The following PCDHGB2 variants were observed in gnomAD, a reference collection of about 807,000 sequenced individuals.
PCDHGB2 encodes the protein protocadherin gamma subfamily B, 2.
A neutral mutation model predicts 59.3 loss-of-function variants in PCDHGB2; 55 were observed. The observed-to-expected ratio is 0.93, with a 90% CI of 0.75 to 1.16. PCDHGB2 has a LOEUF of 1.16. Ranked by LOEUF, PCDHGB2 falls within the 50% of genes most tolerant of loss-of-function variation. The pLI, the probability that PCDHGB2 is intolerant of heterozygous loss-of-function variation, is 0.00. For missense variants in PCDHGB2, 1,228 were observed against 1,198.5 expected (o/e 1.02, Z -0.36); for synonymous variants, 516 against 512.0 (o/e 1.01, Z -0.11).
Position 141,395,397 on chromosome 5 carries a change from A to G in PCDHGB2, c.2421+32841A>G. ...GGTGTTACTATAAAATTGAACTCTAATAGTCATAGGTTATTGTTTCATTTG... is the reference window on the plus strand; with the variant it reads ...GGTGTTACTATAAAATTGAACTCTAGTAGTCATAGGTTATTGTTTCATTTG... On this transcript the variant is annotated intron_variant, in intron 1 of 3. Coordinates refer to ENST00000522605, the MANE Select transcript of PCDHGB2 (RefSeq NM_018923.3). The G allele has an allele frequency of 7.8e-6, 7 of 895,314 alleles. No individual in the cohort carries two copies. The South Asian group carries it at 9.5e-5, about 12-fold the overall frequency. 55.5% of individuals were successfully genotyped at this position (895,314 alleles called of 1,614,324 possible). A position where few individuals can be genotyped will look rare whatever the true frequency, so the allele number is the denominator to read the frequency against.
intron 1 of PCDHGB2, chr5:141,398,058 T>C (rs921277104): frequency 2.0e-6 from 3 of 1,525,504 alleles, no homozygotes; most frequent in African/African-American, 1.4e-5. Flanking sequence ...GATCCAAAAA[T>C]CTACAATACA....
chr5:141,366,422 G>A (rs1334545413), intron 1 of PCDHGB2: 6 of 1,614,152 alleles, frequency 3.7e-6, no homozygotes, highest in South Asian at 1.1e-5. Context: ...GGTGGCAGTG[G>A]CTGCAGTCTC....
intron 1 of PCDHGB2, chr5:141,412,213 C>T (rs1467971455): frequency 6.6e-6 from 1 of 152,224 alleles, no homozygotes; most frequent in Non-Finnish European, 1.5e-5. Context: ...TTGACATAAA[C>T]ACTTACTTGT....
intron 1 of PCDHGB2, among the ~76,000 whole-genome samples, chr5:141,434,824 A>ACTTG (rs1561875192): frequency 1.3e-5 from 2 of 151,888 alleles, no homozygotes; most frequent in African/African-American, 4.8e-5. Flanking sequence ...CCCTTAGTAC[A>ACTTG]CTTGGCATTT....
intron 1 of PCDHGB2, chr5:141,379,005 C>T (rs556550665): frequency 4.6e-4 from 70 of 152,174 alleles, no homozygotes; most frequent in Non-Finnish European, 6.8e-4. Context: ...CAAGATTTTT[C>T]TCCAGTCATG....
intron 1 of PCDHGB2, chr5:141,404,708 T>C: frequency 6.2e-7 from 1 of 1,614,064 alleles, no homozygotes; most frequent in Non-Finnish European, 8.5e-7. Context: ...AGAGCCTGGC[T>C]ACCTGGTGAC....
At chr5:141,478,118 G>C in intron 1 of PCDHGB2, 2 of 1,614,048 alleles carry the variant, frequency 1.2e-6, no homozygotes, top group African/African-American at 1.3e-5. Context: ...GTCAGTAACC[G>C]AGGACTCTCC....
In PCDHGB2 at chr5:141,431,616, A is replaced by G. The variant is rs776151297; in HGVS notation, c.2422-63191A>G. 1 of 1,614,250 alleles carries G rather than the reference A, an allele frequency of 6.2e-7. No individual in the cohort carries two copies. Among genetic ancestry groups the G allele is most frequent in the Non-Finnish European group, 8.5e-7 (1 of 1,180,042 alleles). ...AGGTATTCCTTCCGGTATGTGGACG[A>G]CAAGGCGGCCCAAGTTTTCAAACTA... On this transcript the variant is annotated intron_variant, in intron 1 of 3. Transcript: ENST00000522605. This position sits in a 1 kb window ranked among gnomAD's most constrained non-coding sequence, Gnocchi z 4.8.
chr5:141,421,187 A>G (rs745843422), intron 1 of PCDHGB2: 5 of 1,473,698 alleles, frequency 3.4e-6, no homozygotes, highest in Non-Finnish European at 4.5e-6. Context: ...TTCACAACCA[A>G]CCAGCTCGAG....
At chr5:141,421,513 C>T (rs368199651) in intron 1 of PCDHGB2, 14 of 1,613,960 alleles carry the variant, frequency 8.7e-6, no homozygotes, top group Non-Finnish European at 1.1e-5. Context: ...CCGGGAGGAG[C>T]TCTGTGAGAC....
intron 1 of PCDHGB2, chr5:141,413,659 A>G (rs2095663872): frequency 1.2e-6 from 2 of 1,613,830 alleles, no homozygotes; most frequent in African/African-American, 1.3e-5. Flanking sequence ...CCCGGAAGCT[A>G]TTGATCCGGA....
At chr5:141,372,234 C>G in intron 1 of PCDHGB2, 1 of 1,613,350 alleles carries the variant, frequency 6.2e-7, no homozygotes, top group Non-Finnish European at 8.5e-7. Context: ...GGCCAGCGAG[C>G]CCGGGCTGTT....
chr5:141,433,079 A>C, intron 1 of PCDHGB2: 1 of 1,614,208 alleles, frequency 6.2e-7, no homozygotes, highest in South Asian at 1.1e-5. Flanking sequence ...CCCCCAGCCC[A>C]ACTATGCAGA....
rs2099668037 is a variant in PCDHGB2 at position 141,487,853 on chromosome 5, T to C, written c.2422-6954T>C. The C allele has an allele frequency of 1.0e-6, 1 of 984,708 alleles. No individual in the cohort carries two copies. The allele number at this position is 984,708 out of a possible 1,614,324, so 61.0% of individuals were successfully genotyped here. The stretch of plus-strand genomic sequence containing the variant: ...CCTATATCTGAGTAAGAAATGAAAG[T>C]AATTGGTGATCAAGAGCCAGGCTGT... On this transcript the variant is annotated intron_variant, in intron 1 of 3. Transcript: ENST00000522605. The surrounding 1 kb of genome is among the most constrained non-coding windows in gnomAD (Gnocchi z 5.0).
At chr5:141,399,230 A>G (rs764321114) in intron 1 of PCDHGB2, 2 of 1,614,002 alleles carry the variant, frequency 1.2e-6, no homozygotes, top group Non-Finnish European at 1.7e-6. Context: ...ATCAAAATAC[A>G]TGACCAAGAT....
intron 1 of PCDHGB2, chr5:141,398,636 A>G (rs770681129): frequency 6.2e-7 from 1 of 1,614,074 alleles, no homozygotes; most frequent in Non-Finnish European, 8.5e-7. Context: ...CTGCAGAAGT[A>G]TAAACTCTCT....
In PCDHGB2 at chr5:141,510,929, C is replaced by T. The variant is rs1238694958; in HGVS notation, c.2570-18C>T. The T allele has an allele frequency of 3.1e-6, 5 of 1,613,988 alleles. No homozygotes were observed. The highest frequency in any genetic ancestry group is 4.2e-6 in the Non-Finnish European group (5 of 1,179,988). On this transcript the variant is annotated intron_variant, in intron 3 of 3. Coordinates refer to ENST00000522605, the MANE Select transcript of PCDHGB2 (RefSeq NM_018923.3). ...ACCCTAAGTTTAGCTCCCACCTGAT[C>T]TTCCTCTGTCTCTGCAGAAGCTGCT...
At chr5:141,415,885 C>G in intron 1 of PCDHGB2, 2 of 979,016 alleles carry the variant, frequency 2.0e-6, no homozygotes, top group Non-Finnish European at 2.7e-6. Flanking sequence ...ACAATATTGA[C>G]AATTCCTAAG....
chr5:141,419,325 ACT>A (rs1329600066), intron 1 of PCDHGB2: 33 of 1,613,586 alleles, frequency 2.0e-5, no homozygotes, highest in Non-Finnish European at 2.6e-5. Flanking sequence ...CGTGTCTCCT[ACT>A]CTCTCATTGC....
Sources: allele counts gnomAD v4.1 joint callset (sites outside exome capture counted in the v4.1 genomes callset), GRCh38; gene constraint gnomAD v4.1.1; non-coding constraint Gnocchi (gnomAD v3.1); transcripts MANE v1.5; gene names NCBI Gene and HGNC (gene_info 2026-07-23, HGNC 2026-07-21).